CCZ1: variants seen among roughly 807,000 people sequenced by gnomAD.
CCZ1 encodes the protein CCZ1 vacuolar protein trafficking and biogenesis associated, also known as vacuolar fusion protein CCZ1 homolog.
Under a neutral mutation model 57.8 loss-of-function variants are expected in CCZ1, and 19 were observed. The observed-to-expected ratio is 0.33, with a 90% CI of 0.23 to 0.48. CCZ1 has a LOEUF of 0.48. Among genes scored for constraint, CCZ1 ranks in the 20% least tolerant of loss-of-function variants. The pLI is 0.99. For missense variants in CCZ1, 200 were observed against 492.0 expected (o/e 0.41, Z 5.61); for synonymous variants, 81 against 167.0 (o/e 0.49, Z 3.97).
intron 1 of CCZ1, among the ~76,000 whole-genome samples, chr7:5,899,330 G>GC (rs1491473975): frequency 0.01 from 497 of 47,886 alleles, 7 homozygotes; most frequent in African/African-American, 0.09. Context: ...AATTTCGGGA[G>GC]GGGGGTGTGT....
At position 5,907,365 on chromosome 7, in the gene CCZ1, C is replaced by T. The variant is rs7800564; in HGVS notation, c.698+2096C>T. Among the ~76,000 whole-genome samples the T allele has an allele frequency of 9.9e-3, 1,472 of 149,428 alleles. 32 individuals are homozygous for T. Among genetic ancestry groups the T allele is most frequent in the African/African-American group, 0.034 (1,378 of 40,332 alleles). Reference sequence around the variant, plus strand: ...CCACAGATGGAAATGACAGGACGTGCTTGCAAGTCACACGCAGCCACAGCG... The same window carrying T: ...CCACAGATGGAAATGACAGGACGTGTTTGCAAGTCACACGCAGCCACAGCG... On this transcript the variant is annotated intron_variant, in intron 7 of 14. Transcript: ENST00000325974.
rs1284920732 is a variant in CCZ1 at position 5,908,150 on chromosome 7, A to C, written c.699-1885A>C. 2.1e-5 allele frequency among the ~76,000 whole-genome samples: 3 copies of C among 143,738 alleles called. 1 individual carries two copies. The East Asian group carries it at 7.2e-4, about 34-fold the overall frequency. The allele number at this position is 143,738 out of a possible 152,430, so 94.3% of individuals were successfully genotyped here. A position where few individuals can be genotyped will look rare whatever the true frequency, so the allele number is the denominator to read the frequency against. On this transcript the variant is annotated intron_variant, in intron 7 of 14. Transcript: ENST00000325974. ...ACGTTTTGACGGAATTGCTTATTCC[A>C]AAGCTGTTATATTAAATACCAAAAA...
intron 6 of CCZ1, among the ~76,000 whole-genome samples, chr7:5,904,743 A>G (rs1262284110): frequency 6.8e-6 from 1 of 147,652 alleles, no homozygotes; most frequent in Non-Finnish European, 1.5e-5. Context: ...AGGCAGGAGA[A>G]TGGTGTGAAC....
At chr7:5,922,539 GA>G (rs1390119032) in intron 12 of CCZ1, among the ~76,000 whole-genome samples, 2 of 136,276 alleles carry the variant, frequency 1.5e-5, no homozygotes, top group Non-Finnish European at 3.2e-5. Flanking sequence ...GCAGGGAGGG[GA>G]GGGGAGGGGC....
intron 4 of CCZ1, chr7:5,901,417 A>T: frequency 2.0e-6 from 1 of 506,804 alleles, no homozygotes; most frequent in Non-Finnish European, 3.0e-6. Context: ...CCGGGGACGC[A>T]AATGTTGCAG....
At chr7:5,905,594 C>T (rs1781791576) in intron 7 of CCZ1, among the ~76,000 whole-genome samples, 2 of 144,184 alleles carry the variant, frequency 1.4e-5, no homozygotes, top group Non-Finnish European at 3.0e-5. Flanking sequence ...CCAGCCTGGT[C>T]AACATAGTGA....
chr7:5,905,764 G>T (rs1781797103), intron 7 of CCZ1, among the ~76,000 whole-genome samples: 1 of 75,738 alleles, frequency 1.3e-5, no homozygotes, highest in Non-Finnish European at 2.2e-5. Flanking sequence ...CCTGGCAACA[G>T]AGAGAGACTC....
chr7:5,911,087 C>T (rs184127365), intron 8 of CCZ1, among the ~76,000 whole-genome samples: 1 of 148,834 alleles, frequency 6.7e-6, no homozygotes, highest in Non-Finnish European at 1.5e-5. Flanking sequence ...TGCCAGTGAT[C>T]TTTAAAACAA....
chr7:5,906,475 A>G (rs1281630891), intron 7 of CCZ1, among the ~76,000 whole-genome samples: 1 of 148,200 alleles, frequency 6.7e-6, no homozygotes, highest in Non-Finnish European at 1.5e-5. Flanking sequence ...GGCATATGCC[A>G]CCATGCCCGG....
At chr7:5,901,864 A>G (rs1781693127) in intron 5 of CCZ1, 160 bp downstream of exon 5, 2 of 575,722 alleles carry the variant, frequency 3.5e-6, no homozygotes, top group Non-Finnish European at 6.0e-6. Context: ...AGTGAGGTTT[A>G]TGCCTACATT....
rs545043747 is a variant in CCZ1 at position 5,912,419 on chromosome 7, G to T, written c.843-424G>T. Among the ~76,000 whole-genome samples, 19 of 80,056 alleles carry T rather than the reference G, an allele frequency of 2.4e-4. No homozygotes were observed. The East Asian group carries it at 0.013, about 55-fold the overall frequency. 52.5% of individuals were successfully genotyped at this position (80,056 alleles called of 152,430 possible). ...TTTTTTTTTTTTTTTTTGAGATGGA[G>T]TGTCTCTCTGTCGCTCAGGCTGGAG... On this transcript the variant is annotated intron_variant, in intron 9 of 14. Coordinates refer to ENST00000325974, the MANE Select transcript of CCZ1 (RefSeq NM_015622.6).
intron 12 of CCZ1, among the ~76,000 whole-genome samples, chr7:5,920,591 C>T (rs1233063747): frequency 7.6e-6 from 1 of 131,788 alleles, no homozygotes; most frequent in Admixed American, 7.7e-5. Flanking sequence ...CATGCCTCAT[C>T]CTCTTGAGTA....
chr7:5,907,423 A>C (rs1166910382), intron 7 of CCZ1, among the ~76,000 whole-genome samples: 3 of 149,200 alleles, frequency 2.0e-5, no homozygotes, highest in Admixed American at 2.0e-4. Context: ...GCCAGAATCC[A>C]GCAGTAGTGG....
At chr7:5,903,491 G>A (rs1218445563) in intron 6 of CCZ1, among the ~76,000 whole-genome samples, 2 of 128,592 alleles carry the variant, frequency 1.6e-5, no homozygotes, top group African/African-American at 6.0e-5. Flanking sequence ...TTTTGAATTC[G>A]ACTTTCTAAA....
rs1421979265 is a variant in CCZ1 at position 5,909,645 on chromosome 7, G to A, written c.699-390G>A. 2.0e-5 allele frequency among the ~76,000 whole-genome samples: 3 copies of A among 147,732 alleles called. No individual in the cohort carries two copies. The East Asian group carries it at 6.1e-4, about 30-fold the overall frequency. On this transcript the variant is annotated intron_variant, in intron 7 of 14. Coordinates refer to ENST00000325974, the MANE Select transcript of CCZ1 (RefSeq NM_015622.6). Reference sequence around the variant, plus strand: ...GCCCTGGAGGCCAAGGCTGCAGTGAGCCATGATCGCACCACTGCTTCCAGC... The same window carrying A: ...GCCCTGGAGGCCAAGGCTGCAGTGAACCATGATCGCACCACTGCTTCCAGC...
chr7:5,909,611 A>G (rs1583186004), intron 7 of CCZ1, among the ~76,000 whole-genome samples: 2 of 146,876 alleles, frequency 1.4e-5, no homozygotes, highest in South Asian at 4.4e-4. Flanking sequence ...AGATGGGAGG[A>G]CCGCTTGAGC....
rs543238197 is a variant in CCZ1 at position 5,911,550 on chromosome 7, C to T, written c.781-311C>T. On this transcript the variant is annotated intron_variant, in intron 8 of 14. Transcript: ENST00000325974. The stretch of plus-strand genomic sequence containing the variant: ...GCTCAAGTAATCTGCCTGCCTTGGC[C>T]TCCCAAAGTGCTGGGATTATAGGCA... Among the ~76,000 whole-genome samples, 20 of 149,186 alleles carry T rather than the reference C, an allele frequency of 1.3e-4. 1 individual carries two copies. Among genetic ancestry groups the T allele is most frequent in the Admixed American group, 1.1e-3 (16 of 15,116 alleles).
chr7:5,902,112 A>G, intron 5 of CCZ1: 1 of 185,894 alleles, frequency 5.4e-6, no homozygotes, highest in Non-Finnish European at 1.1e-5. Context: ...TGGGCAATAT[A>G]GCAAGAACCC....
At chr7:5,911,718 G>C (rs1206362032) in intron 8 of CCZ1, 143 bp from the exon 9 acceptor site, 1 of 1,329,834 alleles carries the variant, frequency 7.5e-7, no homozygotes, top group African/African-American at 1.5e-5. Flanking sequence ...ACGCATTCCA[G>C]CCTGGGCAAC....
Sources: allele counts gnomAD v4.1 joint callset (sites outside exome capture counted in the v4.1 genomes callset), GRCh38; gene constraint gnomAD v4.1.1; transcripts MANE v1.5; gene names NCBI Gene and HGNC (gene_info 2026-07-23, HGNC 2026-07-21).